MAN2A1: variants seen among roughly 807,000 people sequenced by gnomAD.
MAN2A1 encodes alpha-mannosidase 2.
A neutral mutation model predicts 142.6 loss-of-function variants in MAN2A1; 76 were observed. The observed-to-expected ratio is 0.53, with a 90% CI of 0.44 to 0.65. The LOEUF is 0.65. MAN2A1 is among the 30% of genes least tolerant of loss of function. The probability of loss-of-function intolerance (pLI) is 0.00; values close to 1 mark genes in which losing one functional copy is unlikely to be tolerated. For missense variants in MAN2A1, 1,311 were observed against 1,365.1 expected, an observed-to-expected ratio of 0.96 and a Z score of 0.62; for synonymous variants, 559 against 473.2, an observed-to-expected ratio of 1.18 and a Z score of -2.35.
chr5:109,813,006 T>A (rs763651381), intron 12 of MAN2A1, among the ~76,000 whole-genome samples: 1 of 152,200 alleles, frequency 6.6e-6, no homozygotes, highest in Non-Finnish European at 1.5e-5. Flanking sequence ...TGAAAAAATA[T>A]GTATTTTTTT....
At chr5:109,803,043 A>G (rs2112699874) in intron 12 of MAN2A1, among the ~76,000 whole-genome samples, 1 of 152,170 alleles carries the variant, frequency 6.6e-6, no homozygotes, top group South Asian at 2.1e-4. Context: ...TTTAAGTGAT[A>G]TGCAGTGTGG....
intron 17 of MAN2A1, among the ~76,000 whole-genome samples, chr5:109,843,164 T>G (rs1185858821): frequency 6.6e-6 from 1 of 152,130 alleles, no homozygotes; most frequent in Non-Finnish European, 1.5e-5. Flanking sequence ...ACTGGGTAAT[T>G]TATAAAGGAA....
In MAN2A1 at chr5:109,820,310, G is replaced by A. The variant is rs1415897297; in HGVS notation, c.2419G>A (p.Ala807Thr). ...GTTIKRDKSG[A>T]YLFLPDGNAK... ...CACAATTAAAAGAGACAAAAGTGGT[G>A]CCTACCTCTTCTTACCTGATGGTAA... The change falls in exon 15 of 22, where the codon GCC becomes ACC. Residue 807 changes from alanine (A) to threonine (T), a missense_variant. Around this residue, in one of 3 missense-constraint regions of MAN2A1, gnomAD observed 890 missense variants for 920.5 expected, o/e 0.97. Transcript: ENST00000261483. The A allele has an allele frequency of 1.2e-6, 2 of 1,613,166 alleles. No homozygotes were observed. The highest frequency in any genetic ancestry group is 1.1e-5 in the South Asian group (1 of 91,024).
intron 12 of MAN2A1, among the ~76,000 whole-genome samples, chr5:109,810,926 C>T (rs1049867406): frequency 6.6e-6 from 1 of 151,828 alleles, no homozygotes; most frequent in Non-Finnish European, 1.5e-5. Flanking sequence ...ATAAAGTGCT[C>T]ACCTTTTTTT....
chr5:109,841,600 A>T (rs1032025060), intron 16 of MAN2A1, among the ~76,000 whole-genome samples: 19 of 152,346 alleles, frequency 1.2e-4, no homozygotes, highest in East Asian at 1.9e-4. Flanking sequence ...AGAATGACAG[A>T]AACTAGTAAA....
At chr5:109,749,261 G>A (rs1231593634) in intron 4 of MAN2A1, among the ~76,000 whole-genome samples, 2 of 152,118 alleles carry the variant, frequency 1.3e-5, no homozygotes, top group Non-Finnish European at 2.9e-5. Context: ...CCAAATGTCT[G>A]ATGATTCTAC....
intron 5 of MAN2A1, among the ~76,000 whole-genome samples, chr5:109,756,022 C>T (rs1234387535): frequency 1.3e-5 from 2 of 151,818 alleles, no homozygotes; most frequent in Non-Finnish European, 2.9e-5. Context: ...TCTAGTTGGC[C>T]CAACTTGAGT....
intron 19 of MAN2A1, among the ~76,000 whole-genome samples, chr5:109,851,051 G>A (rs1251543040): frequency 6.6e-6 from 1 of 152,156 alleles, no homozygotes; most frequent in African/African-American, 2.4e-5. Flanking sequence ...GTGAAGTAGG[G>A]GGATACTCCC....
At chr5:109,691,343 T>A (rs1750666337) in intron 1 of MAN2A1, among the ~76,000 whole-genome samples, 1 of 152,208 alleles carries the variant, frequency 6.6e-6, no homozygotes, top group South Asian at 2.1e-4. Flanking sequence ...CCGCGCGGCA[T>A]GTGCGAGTTC....
intron 12 of MAN2A1, among the ~76,000 whole-genome samples, chr5:109,811,458 T>C (rs1754314862): frequency 6.6e-6 from 1 of 152,150 alleles, no homozygotes; most frequent in Admixed American, 6.6e-5. Flanking sequence ...ATTTTTATGT[T>C]CTACTAAGTG....
intron 1 of MAN2A1, among the ~76,000 whole-genome samples, chr5:109,698,501 C>T (rs746458443): frequency 6.7e-5 from 10 of 149,392 alleles, no homozygotes; most frequent in African/African-American, 1.0e-4. Flanking sequence ...TGCGTCTCAT[C>T]GAGTAGTATT....
At chr5:109,818,204 G>A (rs1442752475) in intron 13 of MAN2A1, among the ~76,000 whole-genome samples, 1 of 152,008 alleles carries the variant, frequency 6.6e-6, no homozygotes. Context: ...GCAATGGCGC[G>A]ATCTCGGCGC....
At chr5:109,705,644 AAACT>A (rs1751109545) in intron 1 of MAN2A1, among the ~76,000 whole-genome samples, 1 of 152,240 alleles carries the variant, frequency 6.6e-6, no homozygotes, top group African/African-American at 2.4e-5. Flanking sequence ...CTATCACCAC[AAACT>A]TAGTGGCGTA....
At chr5:109,837,171 G>C (rs925724569) in intron 16 of MAN2A1, among the ~76,000 whole-genome samples, 2 of 150,028 alleles carry the variant, frequency 1.3e-5, no homozygotes, top group Non-Finnish European at 3.0e-5. Flanking sequence ...ATCTCAGCTA[G>C]GTACAGTGGG....
chr5:109,840,397 A>G (rs1271626228), intron 16 of MAN2A1: 1 of 388,652 alleles, frequency 2.6e-6, no homozygotes, highest in Non-Finnish European at 5.1e-6. Flanking sequence ...AATTGCTGGT[A>G]ATGATTCCTC....
intron 3 of MAN2A1, among the ~76,000 whole-genome samples, chr5:109,723,761 A>G (rs1164922049): frequency 3.3e-5 from 5 of 152,174 alleles, no homozygotes; most frequent in South Asian, 2.1e-4. Flanking sequence ...GTACCCTGCA[A>G]TGCAGCCATA....
In MAN2A1 at chr5:109,734,546, G is replaced by A. The variant is rs543923907; in HGVS notation, c.707+5033G>A. 2.5e-4 allele frequency among the ~76,000 whole-genome samples: 38 copies of A among 152,214 alleles called. No homozygotes were observed. In the South Asian group the frequency reaches 5.8e-3, roughly 23 times the overall value. On this transcript the variant is annotated intron_variant, in intron 4 of 21. Coordinates refer to ENST00000261483, the MANE Select transcript of MAN2A1 (RefSeq NM_002372.4). ...TCCCTCTACACACTGCTTTGAATGTGTCCCAGAGATTCTGGTATGTTGTGT... is the reference window on the plus strand; with the variant it reads ...TCCCTCTACACACTGCTTTGAATGTATCCCAGAGATTCTGGTATGTTGTGT...
chr5:109,831,544 A>G (rs750882324), intron 16 of MAN2A1, among the ~76,000 whole-genome samples: 3 of 152,210 alleles, frequency 2.0e-5, no homozygotes, highest in Non-Finnish European at 2.9e-5. Flanking sequence ...ATACATTTAA[A>G]TAATTGCAAA....
At chr5:109,844,625 G>A (rs903489630) in intron 17 of MAN2A1, among the ~76,000 whole-genome samples, 1 of 152,110 alleles carries the variant, frequency 6.6e-6, no homozygotes, top group Non-Finnish European at 1.5e-5. Flanking sequence ...CAGGGTGTTG[G>A]CAGGGCCATA....
Sources: allele counts gnomAD v4.1 joint callset (sites outside exome capture counted in the v4.1 genomes callset), GRCh38; gene constraint gnomAD v4.1.1; regional missense constraint gnomAD v4.1.1; transcripts MANE v1.5; gene names NCBI Gene and HGNC (gene_info 2026-07-23, HGNC 2026-07-21).